The following PUS1 variants were observed in gnomAD, a reference collection of about 807,000 sequenced individuals.
PUS1 encodes pseudouridine synthase 1, also known as pseudouridylate synthase 1 homolog.
A neutral mutation model predicts 38.5 loss-of-function variants in PUS1; 25 were observed. That is an observed-to-expected ratio of 0.65 (90% CI 0.47 to 0.91). The LOEUF (loss-of-function observed/expected upper bound fraction) is 0.91. PUS1 is among the 40% of genes least tolerant of loss of function. The pLI is 0.00. For missense variants in PUS1, 597 were observed against 612.3 expected (o/e 0.97, Z 0.26); for synonymous variants, 282 against 260.4 (o/e 1.08, Z -0.80).
chr12:131,935,187 G>A (rs1890769399), intron 3 of PUS1, among the ~76,000 whole-genome samples: 1 of 152,152 alleles, frequency 6.6e-6, no homozygotes, highest in South Asian at 2.1e-4. Flanking sequence ...GGATCCACAA[G>A]TTCACTCCTA....
chr12:131,930,039 C>A lies in PUS1; in HGVS notation c.207C>A (p.Leu69=). The change falls in exon 2 of 6, where the codon CTC becomes CTA. Residue 69 remains leucine, a synonymous_variant. Transcript: ENST00000376649. ...WEDGEHPAKK[L]KSGGDEERRE... ...ACGGAGAACATCCGGCGAAGAAGCT[C>A]AAGAGCGGTGGCGACGAGGAGCGGC... The A allele has an allele frequency of 6.8e-7, 1 of 1,462,914 alleles. No individual in the cohort carries two copies. The highest frequency in any genetic ancestry group is 1.4e-5 in the South Asian group (1 of 69,214). The allele number at this position is 1,462,914 out of a possible 1,614,324, so 90.6% of individuals were successfully genotyped here.
In PUS1 at chr12:131,939,274, G is replaced by A. The variant is rs1245930861; in HGVS notation, c.543G>A (p.Leu181=). ...NSHLPSHIRI[L]GLKRVTGGFN... is the part of the protein sequence containing the mutation. Reference sequence around the variant, plus strand: ...ACCTTCCCTCTCACATTCGGATTCTGGGTAAGCCTTGCAGTGCAGGCGGCC... The same window carrying A: ...ACCTTCCCTCTCACATTCGGATTCTAGGTAAGCCTTGCAGTGCAGGCGGCC... The change falls in exon 4 of 6, where the codon CTG becomes CTA. Residue 181 remains leucine, a splice_region_variant and synonymous_variant. Transcript: ENST00000376649. 4.5e-6 allele frequency: 7 copies of A among 1,553,200 alleles called. No homozygotes were observed. Among genetic ancestry groups the A allele is most frequent in the Non-Finnish European group, 6.1e-6 (7 of 1,146,364 alleles).
chr12:131,936,525 T>C (rs1358901153), intron 3 of PUS1, among the ~76,000 whole-genome samples: 1 of 152,084 alleles, frequency 6.6e-6, no homozygotes, highest in Non-Finnish European at 1.5e-5. Flanking sequence ...ATCGTGCCAT[T>C]GTACTCCAGC....
chr12:131,934,159 G>A (rs899170041), intron 3 of PUS1, among the ~76,000 whole-genome samples: 4 of 152,260 alleles, frequency 2.6e-5, no homozygotes, highest in Non-Finnish European at 5.9e-5. Context: ...GGAGCCAGGT[G>A]TGCAGGTGGA....
chr12:131,939,402 G>C, intron 4 of PUS1, 127 bp downstream of exon 4: 2 of 735,688 alleles, frequency 2.7e-6, no homozygotes. Flanking sequence ...TTGCTTTGCA[G>C]CTGGTTCTGA....
chr12:131,942,953 TGGG>T (rs1032026712), intron 5 of PUS1, among the ~76,000 whole-genome samples: 10 of 152,056 alleles, frequency 6.6e-5, no homozygotes, highest in Non-Finnish European at 1.5e-4. Context: ...GGCAGGGAGT[TGGG>T]GGGCCAGCGG....
At chr12:131,942,456 G>C (rs1891119479) in intron 5 of PUS1, among the ~76,000 whole-genome samples, 2 of 152,082 alleles carry the variant, frequency 1.3e-5, no homozygotes, top group South Asian at 4.2e-4. Context: ...ACCCAGGCTG[G>C]AGTGCAGTGG....
At position 131,929,898 on chromosome 12, in the gene PUS1, T is replaced by C; in HGVS notation, c.75-9T>C. On this transcript the variant is annotated splice_polypyrimidine_tract_variant and intron_variant, in intron 1 of 5. Transcript: ENST00000376649. ...AGCGGGCCCCCGCTCACGCCGCCCT[T>C]CTCCGCAGCTCGCCGCGCATGGCCG... 7.1e-7 allele frequency: 1 copy of C among 1,413,010 alleles called. No homozygotes were observed. Among genetic ancestry groups the C allele is most frequent in the Non-Finnish European group, 9.2e-7 (1 of 1,082,028 alleles). The allele number at this position is 1,413,010 out of a possible 1,614,324, so 87.5% of individuals were successfully genotyped here. A position where few individuals can be genotyped will look rare whatever the true frequency, so the allele number is the denominator to read the frequency against.
At chr12:131,936,716 C>T (rs948093727) in intron 3 of PUS1, among the ~76,000 whole-genome samples, 7 of 152,126 alleles carry the variant, frequency 4.6e-5, no homozygotes, top group African/African-American at 1.7e-4. Flanking sequence ...TGACAAAATC[C>T]CATCTCTACT....
chr12:131,940,075 G>T (rs893269377), intron 4 of PUS1, among the ~76,000 whole-genome samples: 2 of 150,574 alleles, frequency 1.3e-5, no homozygotes, highest in African/African-American at 4.9e-5. Flanking sequence ...TTCTGTTGCC[G>T]AGGCTGGAGT....
intron 3 of PUS1, among the ~76,000 whole-genome samples, chr12:131,938,703 C>G (rs1296739316): frequency 2.8e-5 from 4 of 142,188 alleles, no homozygotes; most frequent in African/African-American, 1.0e-4. Flanking sequence ...CTTTGGGAGT[C>G]ATATTTTCAT....
intron 3 of PUS1, 85 bp downstream of exon 3, chr12:131,932,397 G>A (rs751277803): frequency 6.8e-7 from 1 of 1,472,456 alleles, no homozygotes; most frequent in Non-Finnish European, 9.4e-7. Flanking sequence ...GGCTTGTTAT[G>A]CTGTTTCTGA....
intron 3 of PUS1, among the ~76,000 whole-genome samples, chr12:131,938,791 A>G (rs1890941568): frequency 6.9e-6 from 1 of 145,898 alleles, no homozygotes; most frequent in South Asian, 2.1e-4. Flanking sequence ...GCACGATCTC[A>G]GCTCACTGGA....
At chr12:131,930,232 G>T (rs1253893001) in intron 2 of PUS1, 97 bp downstream of exon 2, 2 of 731,656 alleles carry the variant, frequency 2.7e-6, no homozygotes, top group South Asian at 3.6e-5. Flanking sequence ...GTGCAGGAGC[G>T]GTCGCCCAGG....
chr12:131,929,554 G>A lies in PUS1; in HGVS notation c.-169G>A, dbSNP rs1890480800. 5.3e-6 allele frequency: 3 copies of A among 563,954 alleles called. No individual in the cohort carries two copies. The highest frequency in any genetic ancestry group is 9.0e-6 in the Non-Finnish European group (3 of 331,654). The allele number at this position is 563,954 out of a possible 1,614,324, so 34.9% of individuals were successfully genotyped here. A position where few individuals can be genotyped will look rare whatever the true frequency, so the allele number is the denominator to read the frequency against. ...GGCGTCCAGGTCCGAGAGGTCAGGGGTCAGCTGGAGAGGGGCTGGGGCGCC... is the reference window on the plus strand; with the variant it reads ...GGCGTCCAGGTCCGAGAGGTCAGGGATCAGCTGGAGAGGGGCTGGGGCGCC... On this transcript the variant is annotated 5_prime_UTR_variant, in exon 1 of 6. Transcript: ENST00000376649.
In PUS1 at chr12:131,931,882, C is replaced by T. The variant is rs374088055; in HGVS notation, c.304-293C>T. On this transcript the variant is annotated intron_variant, in intron 2 of 5. Transcript: ENST00000376649. ...TTTTTTAAAGTATAGGTAGCACCCA[C>T]GGCACTGATTTTGTAACTGACAGAT... is the stretch of plus-strand genomic sequence containing the variant. 2.7e-5 allele frequency: 16 copies of T among 598,346 alleles called. No individual in the cohort carries two copies. The East Asian group carries it at 3.0e-4, about 11-fold the overall frequency. The allele number at this position is 598,346 out of a possible 1,614,324, so 37.1% of individuals were successfully genotyped here.
At position 131,941,687 on chromosome 12, in the gene PUS1, C is replaced by A; in HGVS notation, c.940C>A (p.Leu314Met). The A allele has an allele frequency of 6.2e-7, 1 of 1,614,186 alleles. No homozygotes were observed. The highest frequency in any genetic ancestry group is 1.7e-5 in the Admixed American group (1 of 60,018). Residue 314 changes from leucine (L) to methionine (M), a missense_variant, in exon 5 of 6, where the codon CTG becomes ATG. Physicochemically the swap from Leu to Met is conservative, Grantham distance 15. Coordinates refer to ENST00000376649, the MANE Select transcript of PUS1 (RefSeq NM_025215.6). The surrounding 1 kb of genome is among the most constrained non-coding windows in gnomAD (Gnocchi z 4.4). ...GAAGGGTTATGCCCCTGAGAGCGTG[C>A]TGGAGCGCAGCTGGGGCACAGAGAA... ...IVKGYAPESV[L>M]ERSWGTEKVD...
At position 131,939,287 on chromosome 12, in the gene PUS1, A is replaced by G. The variant is rs1198131913; in HGVS notation, c.544+12A>G. ...CATTCGGATTCTGGGTAAGCCTTGC[A>G]GTGCAGGCGGCCACACACCTGGTTG... On this transcript the variant is annotated intron_variant, in intron 4 of 5. Coordinates refer to ENST00000376649, the MANE Select transcript of PUS1 (RefSeq NM_025215.6). 3 of 1,515,942 alleles carry G rather than the reference A, an allele frequency of 2.0e-6. No individual in the cohort carries two copies. Among genetic ancestry groups the G allele is most frequent in the South Asian group, 2.4e-5 (2 of 83,646 alleles). 93.9% of individuals were successfully genotyped at this position (1,515,942 alleles called of 1,614,324 possible).
At position 131,932,436 on chromosome 12, in the gene PUS1, C is replaced by T; in HGVS notation, c.441+124C>T. The T allele has an allele frequency of 5.0e-6, 6 of 1,188,212 alleles. No individual in the cohort carries two copies. In the Admixed American group the frequency reaches 9.8e-5, roughly 19 times the overall value. The allele number at this position is 1,188,212 out of a possible 1,614,324, so 73.6% of individuals were successfully genotyped here. A position where few individuals can be genotyped will look rare whatever the true frequency, so the allele number is the denominator to read the frequency against. On this transcript the variant is annotated intron_variant, in intron 3 of 5. Transcript: ENST00000376649. ...CATAATGATGTACAAATCAAACTAG[C>T]CTACGCCTTATGTAGGTGAGACGTC...
Sources: gnomAD v4.1 joint callset for allele counts (sites outside exome capture counted in the v4.1 genomes callset) on GRCh38, gnomAD v4.1.1 for gene constraint, Gnocchi (gnomAD v3.1) non-coding constraint, MANE v1.5 for transcripts, NCBI Gene and HGNC (gene_info 2026-07-23, HGNC 2026-07-21) for gene names.